The following ROCK1 variants were observed in gnomAD, a reference collection of about 807,000 sequenced individuals.
ROCK1 encodes the protein rho-associated protein kinase 1.
In ROCK1, 36 loss-of-function variants were observed where a neutral mutation model predicts 196.8. The ratio of observed to expected loss-of-function variants is 0.18; its 90% CI spans 0.14 to 0.24. The LOEUF (loss-of-function observed/expected upper bound fraction) is 0.24, where lower values mean the gene tolerates loss of function less well. Ranked by LOEUF, ROCK1 falls within the 10% of genes least tolerant of loss-of-function variation. The pLI is 1.00. For synonymous variants in ROCK1, 443 were observed against 515.9 expected (o/e 0.86, Z 1.91); for missense variants, 920 against 1,562.0 (o/e 0.59, Z 6.93).
At chr18:21,024,111 T>C (rs1302619165) in intron 10 of ROCK1, among the ~76,000 whole-genome samples, 1 of 152,220 alleles carries the variant, frequency 6.6e-6, no homozygotes, top group Non-Finnish European at 1.5e-5. Flanking sequence ...TGCTGACTTC[T>C]GCAGACATAT....
chr18:21,071,928 T>C (rs1051516526), intron 1 of ROCK1, among the ~76,000 whole-genome samples: 4 of 152,218 alleles, frequency 2.6e-5, no homozygotes, highest in African/African-American at 9.6e-5. Context: ...AGTTAACATG[T>C]GAAGTGTCTG....
chr18:20,996,341 T>C (rs1430053424), intron 16 of ROCK1, among the ~76,000 whole-genome samples: 2 of 152,092 alleles, frequency 1.3e-5, no homozygotes, highest in African/African-American at 2.4e-5. Flanking sequence ...ATTAGTGAGC[T>C]TGAAGACAGA....
chr18:21,017,989 A>G (rs1374966704), intron 12 of ROCK1, among the ~76,000 whole-genome samples: 2 of 150,716 alleles, frequency 1.3e-5, no homozygotes, highest in African/African-American at 4.9e-5. Context: ...AATAAAAACA[A>G]AAAAAAAATA....
chr18:20,955,298 A>C (rs1230605614), intron 29 of ROCK1, 53 bp from the exon 30 acceptor site: 71 of 1,502,064 alleles, frequency 4.7e-5, no homozygotes, highest in Non-Finnish European at 6.2e-5. Context: ...ATTGTAAAAG[A>C]CATTTCACTA....
At chr18:21,052,273 T>A (rs1221876820) in intron 2 of ROCK1, among the ~76,000 whole-genome samples, 2 of 152,216 alleles carry the variant, frequency 1.3e-5, no homozygotes, top group East Asian at 3.9e-4. Flanking sequence ...TCCTAGTTCA[T>A]CTCACCAAGG....
intron 27 of ROCK1, among the ~76,000 whole-genome samples, chr18:20,964,651 G>A (rs1468721165): frequency 1.3e-5 from 2 of 152,086 alleles, no homozygotes; most frequent in Admixed American, 6.6e-5. Context: ...AGTACTCCCC[G>A]CCCCACTTGG....
rs1415258863 is a variant in ROCK1, at chr18:20,950,933, A to G, written c.*451T>C. On this transcript the variant is annotated 3_prime_UTR_variant, in exon 33 of 33. Coordinates refer to ENST00000399799, the MANE Select transcript of ROCK1 (RefSeq NM_005406.3). ...AGAGCACAAAAACTTAAGTCATTAA[A>G]AAAAAAACAAAACTTCAGTTTGTCT... The G allele has an allele frequency of 6.5e-6, 1 of 153,430 alleles. No homozygotes were observed. The highest frequency in any genetic ancestry group is 1.9e-4 in the East Asian group (1 of 5,214). 9.5% of individuals were successfully genotyped at this position (153,430 alleles called of 1,614,324 possible). A position where few individuals can be genotyped will look rare whatever the true frequency, so the allele number is the denominator to read the frequency against.
Position 20,980,019 on chromosome 18 carries a change from A to G in ROCK1, c.2560-15T>C. On this transcript the variant is annotated splice_polypyrimidine_tract_variant and intron_variant, in intron 21 of 32. Transcript: ENST00000399799. Reference sequence around the variant, plus strand: ...TTATAAAGTGTCTGCAAAACAAGTGACAAGGAGAAATAAGTGTTTATGGTG... The same window carrying G: ...TTATAAAGTGTCTGCAAAACAAGTGGCAAGGAGAAATAAGTGTTTATGGTG... 1 of 1,527,522 alleles carries G rather than the reference A, an allele frequency of 6.5e-7. No individual in the cohort carries two copies. The highest frequency in any genetic ancestry group is 8.8e-7 in the Non-Finnish European group (1 of 1,139,658). 94.6% of individuals were successfully genotyped at this position (1,527,522 alleles called of 1,614,324 possible).
intron 2 of ROCK1, among the ~76,000 whole-genome samples, chr18:21,062,556 G>A (rs549051226): frequency 6.6e-6 from 1 of 152,172 alleles, no homozygotes; most frequent in South Asian, 2.1e-4. Context: ...AATAAATGGG[G>A]GAGAAAAGGC....
At position 21,108,534 on chromosome 18, in the gene ROCK1, A is replaced by C. The variant is rs191546515; in HGVS notation, c.93+2284T>G. 9.9e-5 allele frequency among the ~76,000 whole-genome samples: 15 copies of C among 152,276 alleles called. No individual in the cohort carries two copies. In the East Asian group the frequency reaches 2.9e-3, roughly 29 times the overall value. On this transcript the variant is annotated intron_variant, in intron 1 of 32. Transcript: ENST00000399799. ...TAAAATTGAATTTATCTGTAGGCCTATTCTTCACAAGCAATTTCCAAACCT... is the reference window on the plus strand; with the variant it reads ...TAAAATTGAATTTATCTGTAGGCCTCTTCTTCACAAGCAATTTCCAAACCT...
chr18:21,031,660 A>G (rs2143484185), intron 9 of ROCK1, among the ~76,000 whole-genome samples: 1 of 151,668 alleles, frequency 6.6e-6, no homozygotes, highest in African/African-American at 2.4e-5. Context: ...GAGGAAACCA[A>G]GATATTAGAT....
At chr18:20,952,827 C>T (rs2035203376) in intron 32 of ROCK1, among the ~76,000 whole-genome samples, 1 of 151,488 alleles carries the variant, frequency 6.6e-6, no homozygotes, top group African/African-American at 2.4e-5. Flanking sequence ...TTTGAAGGGA[C>T]ATGGATGAAG....
At position 21,006,610 on chromosome 18, in the gene ROCK1, A is replaced by C; in HGVS notation, c.1639-13T>G. On this transcript the variant is annotated splice_polypyrimidine_tract_variant and intron_variant, in intron 15 of 32. Transcript: ENST00000399799. ...TGGCTTCTTCTAGCTATTTAAAAAG[A>C]AAGCAAAAAAATAGGTTTCTGACCA... The C allele has an allele frequency of 1.2e-6, 2 of 1,604,086 alleles. No individual in the cohort carries two copies. Among genetic ancestry groups the C allele is most frequent in the Non-Finnish European group, 1.7e-6 (2 of 1,177,212 alleles).
intron 12 of ROCK1, among the ~76,000 whole-genome samples, chr18:21,015,921 A>C (rs2035858846): frequency 6.6e-6 from 1 of 151,950 alleles, no homozygotes; most frequent in Admixed American, 6.6e-5. Context: ...TGGAGGTTGC[A>C]GTGAGCCGAG....
chr18:21,062,995 T>C (rs2036304728), intron 2 of ROCK1, among the ~76,000 whole-genome samples: 1 of 152,154 alleles, frequency 6.6e-6, no homozygotes, highest in South Asian at 2.1e-4. Context: ...GATACTGTCT[T>C]AGTCTGTTTT....
At chr18:21,096,032 C>T (rs1297500081) in intron 1 of ROCK1, among the ~76,000 whole-genome samples, 1 of 151,400 alleles carries the variant, frequency 6.6e-6, no homozygotes, top group Non-Finnish European at 1.5e-5. Flanking sequence ...ATTCTTAACA[C>T]AAAGAAATGG....
intron 16 of ROCK1, among the ~76,000 whole-genome samples, chr18:20,996,907 T>G (rs1007861573): frequency 1.3e-5 from 2 of 152,180 alleles, no homozygotes; most frequent in Non-Finnish European, 2.9e-5. Context: ...GGATATTATT[T>G]GCAAGCCTCA....
intron 18 of ROCK1, among the ~76,000 whole-genome samples, chr18:20,988,044 C>G (rs931046633): frequency 6.6e-6 from 1 of 152,014 alleles, no homozygotes. Context: ...CCAAACCACT[C>G]CAACCCCAGT....
intron 12 of ROCK1, among the ~76,000 whole-genome samples, chr18:21,018,664 G>C (rs983437303): frequency 6.6e-6 from 1 of 151,642 alleles, no homozygotes; most frequent in African/African-American, 2.4e-5. Context: ...TTAATTATTT[G>C]CTTATATTCA....
Sources: allele counts gnomAD v4.1 joint callset (sites outside exome capture counted in the v4.1 genomes callset), GRCh38; gene constraint gnomAD v4.1.1; transcripts MANE v1.5; gene names NCBI Gene and HGNC (gene_info 2026-07-23, HGNC 2026-07-21).